The following ZC3H12B variants were observed in gnomAD, a reference collection of about 807,000 sequenced individuals.
ZC3H12B encodes the protein zinc finger CCCH-type containing 12B, also known as probable ribonuclease ZC3H12B.
In ZC3H12B, 7 loss-of-function variants were observed where a neutral mutation model predicts 43.9. The observed-to-expected ratio is 0.16, with a 90% confidence interval of 0.09 to 0.30. The LOEUF (loss-of-function observed/expected upper bound fraction) is 0.30. ZC3H12B is among the 10% of genes least tolerant of loss of function. The pLI, the probability that ZC3H12B is intolerant of heterozygous loss-of-function variation, is 1.00. For missense variants in ZC3H12B, 475 were observed against 670.2 expected (o/e 0.71, Z 3.22); for synonymous variants, 222 against 241.7 (o/e 0.92, Z 0.76).
At chrX:65,339,649 G>T in the ZC3H12B span, among the ~76,000 whole-genome samples, 1 of 111,598 alleles carries the variant, frequency 9.0e-6, no homozygotes, top group Non-Finnish European at 1.9e-5. Flanking sequence ...CATCAGACAA[G>T]GCCAGTCTGA....
the ZC3H12B span, among the ~76,000 whole-genome samples, chrX:65,174,943 A>C: frequency 0.17 from 18,322 of 109,168 alleles, 2,958 homozygotes; most frequent in African/African-American, 0.51. Flanking sequence ...AACAAACAAA[A>C]AAAAAAAACT....
the ZC3H12B span, among the ~76,000 whole-genome samples, chrX:65,276,386 A>T: frequency 9.0e-6 from 1 of 111,459 alleles, no homozygotes; most frequent in African/African-American, 3.3e-5. Flanking sequence ...CCTCTGCAAG[A>T]CACATTAGAG....
chrX:65,097,339 A>G, the ZC3H12B span, among the ~76,000 whole-genome samples: 4 of 111,800 alleles, frequency 3.6e-5, no homozygotes, highest in African/African-American at 1.3e-4. Context: ...GGCTACTACC[A>G]ATTTCCTTTC....
chrX:65,374,097 AAC>A (rs2066308403), intron 2 of ZC3H12B, among the ~76,000 whole-genome samples: 1 of 58,231 alleles, frequency 1.7e-5, no homozygotes, highest in African/African-American at 2.1e-4. Context: ...GTATATATAT[AAC>A]TATATATAGG....
the ZC3H12B span, among the ~76,000 whole-genome samples, chrX:65,189,890 G>T: frequency 1.8e-5 from 2 of 108,618 alleles, no homozygotes; most frequent in African/African-American, 3.5e-5. Context: ...TGTCCTGAAT[G>T]GTAATGCCTA....
the ZC3H12B span, among the ~76,000 whole-genome samples, chrX:65,178,208 A>G: frequency 3.5e-4 from 39 of 112,532 alleles, no homozygotes; most frequent in Non-Finnish European, 5.6e-4. Context: ...CTGGCTAGCC[A>G]TATGCAGCAA....
At chrX:65,243,676 T>C in the ZC3H12B span, among the ~76,000 whole-genome samples, 5 of 112,533 alleles carry the variant, frequency 4.4e-5, 1 homozygote, top group Admixed American at 9.4e-5. Context: ...ACTTCTATGT[T>C]TATTGCAGCA....
the ZC3H12B span, among the ~76,000 whole-genome samples, chrX:65,072,789 A>T: frequency 1.8e-5 from 2 of 112,073 alleles, no homozygotes; most frequent in African/African-American, 6.5e-5. Flanking sequence ...ACCATAGGGC[A>T]TTAACAGGTG....
the ZC3H12B span, among the ~76,000 whole-genome samples, chrX:65,127,923 A>G: frequency 9.0e-6 from 1 of 111,524 alleles, no homozygotes; most frequent in Non-Finnish European, 1.9e-5. Context: ...GCCAGCTACC[A>G]AGACTGAGAA....
chrX:65,390,311 G>A (rs1258482312), intron 2 of ZC3H12B, among the ~76,000 whole-genome samples: 8 of 110,781 alleles, frequency 7.2e-5, no homozygotes, highest in Non-Finnish European at 1.5e-4. Flanking sequence ...TGTAAATGAT[G>A]AGTTAATGGG....
chrX:65,154,391 G>C, the ZC3H12B span, among the ~76,000 whole-genome samples: 1 of 111,563 alleles, frequency 9.0e-6, no homozygotes, highest in African/African-American at 3.3e-5. Flanking sequence ...CACTGAGATT[G>C]AGAAGTGTGT....
the ZC3H12B span, among the ~76,000 whole-genome samples, chrX:65,167,160 G>C: frequency 1.8e-5 from 2 of 111,711 alleles, no homozygotes; most frequent in Non-Finnish European, 3.8e-5. Flanking sequence ...TTCTTCTAGG[G>C]TTTTTATGGT....
At chrX:65,158,782 T>A in the ZC3H12B span, among the ~76,000 whole-genome samples, 1 of 112,048 alleles carries the variant, frequency 8.9e-6, no homozygotes, top group African/African-American at 3.2e-5. Context: ...TTTAATTAGA[T>A]CCCATTTGTC....
the ZC3H12B span, among the ~76,000 whole-genome samples, chrX:65,302,738 A>G: frequency 8.9e-6 from 1 of 111,977 alleles, no homozygotes; most frequent in African/African-American, 3.2e-5. Flanking sequence ...GAGGCCTGAC[A>G]TTACCTGCAT....
chrX:65,481,297 G>A (rs1202336492), intron 3 of ZC3H12B, among the ~76,000 whole-genome samples: 2 of 111,403 alleles, frequency 1.8e-5, no homozygotes, highest in Non-Finnish European at 3.8e-5. Flanking sequence ...ACAACCTTAC[G>A]AGAACATATT....
chrX:65,096,307 C>G, the ZC3H12B span, among the ~76,000 whole-genome samples: 1 of 110,982 alleles, frequency 9.0e-6, no homozygotes, highest in Non-Finnish European at 1.9e-5. Flanking sequence ...TGCAGCTAAC[C>G]ACTATGGCAC....
chrX:65,059,058 C>T, the ZC3H12B span, among the ~76,000 whole-genome samples: 73 of 111,839 alleles, frequency 6.5e-4, no homozygotes, highest in African/African-American at 2.0e-3. Context: ...CTTTGGCTCA[C>T]GCTTGGTGCA....
chrX:65,405,530 G>T (rs1354682288), intron 3 of ZC3H12B, among the ~76,000 whole-genome samples: 1 of 111,254 alleles, frequency 9.0e-6, no homozygotes, highest in Non-Finnish European at 1.9e-5. Context: ...TGAGGCAAGA[G>T]AATCACTCAA....
chrX:65,472,852 ATATATATGTTTGTG>A (rs1402591214), intron 3 of ZC3H12B, among the ~76,000 whole-genome samples: 1 of 89,824 alleles, frequency 1.1e-5, no homozygotes, highest in Non-Finnish European at 2.1e-5. Context: ...ATATATATAT[ATATATATGTTTGTG>A]TATATATATG....
Sources: gnomAD v4.1 joint callset for allele counts (sites outside exome capture counted in the v4.1 genomes callset) on GRCh38, gnomAD v4.1.1 for gene constraint, MANE v1.5 for transcripts, NCBI Gene and HGNC (gene_info 2026-07-23, HGNC 2026-07-21) for gene names.